Variants in PCDHGB5 observed in about 807,000 individuals in gnomAD.
PCDHGB5 encodes the protein protocadherin gamma subfamily B, 5, also known as protocadherin gamma-B5.
PCDHGB5 carries 48 observed loss-of-function variants against 62.9 expected under a neutral mutation model. The ratio of observed to expected loss-of-function variants is 0.76; its 90% CI spans 0.61 to 0.97. The LOEUF is 0.97. Ranked by LOEUF, PCDHGB5 falls within the 50% of genes least tolerant of loss-of-function variation. The pLI, the probability that PCDHGB5 is intolerant of heterozygous loss-of-function variation, is 0.00. For synonymous variants in PCDHGB5, 474 were observed against 511.2 expected, an observed-to-expected ratio of 0.93 and a Z score of 0.98; for missense variants, 1,118 against 1,198.6, an observed-to-expected ratio of 0.93 and a Z score of 0.99.
intron 2 of PCDHGB5, among the ~76,000 whole-genome samples, chr5:141,496,839 AG>A (rs2099771805): frequency 1.3e-5 from 2 of 151,484 alleles, no homozygotes; most frequent in African/African-American, 4.9e-5. Context: ...CAGAACTCAT[AG>A]GCTTCCAGAC....
intron 2 of PCDHGB5, among the ~76,000 whole-genome samples, chr5:141,501,802 C>T (rs2099811151): frequency 1.3e-5 from 2 of 152,154 alleles, no homozygotes; most frequent in Non-Finnish European, 2.9e-5. Context: ...ATCTCTTACC[C>T]AGCTTCACAT....
rs1408454981 is a variant in PCDHGB5, at chr5:141,489,682, T to C, written c.2398-5125T>C. The C allele has an allele frequency of 6.2e-7, 1 of 1,614,184 alleles. No individual in the cohort carries two copies. The highest frequency in any genetic ancestry group is 8.5e-7 in the Non-Finnish European group (1 of 1,180,024). On this transcript the variant is annotated intron_variant, in intron 1 of 3. Transcript: ENST00000617380. This position sits in a 1 kb window ranked among gnomAD's most constrained non-coding sequence, Gnocchi z 4.5. ...GATGCGCATCTCAGAATCAGCAGCATCTGGGGCACGATTCCCACTGGACAG... is the reference window on the plus strand; with the variant it reads ...GATGCGCATCTCAGAATCAGCAGCACCTGGGGCACGATTCCCACTGGACAG...
intron 1 of PCDHGB5, among the ~76,000 whole-genome samples, chr5:141,449,677 A>G (rs543079734): frequency 6.3e-4 from 96 of 151,362 alleles, no homozygotes; most frequent in Non-Finnish European, 1.1e-3. Flanking sequence ...GTGTATGTAT[A>G]TATGTTTGTG....
intron 1 of PCDHGB5, chr5:141,417,692 C>T (rs2096147964): frequency 1.8e-6 from 2 of 1,089,118 alleles, no homozygotes; most frequent in Non-Finnish European, 2.5e-6. Flanking sequence ...AAAAGAAAAC[C>T]AGCTCCCACA....
In PCDHGB5 at chr5:141,435,189, G is replaced by A. The variant is rs569176993; in HGVS notation, c.2397+34665G>A. Among the ~76,000 whole-genome samples the A allele has an allele frequency of 5.3e-5, 8 of 152,166 alleles. No homozygotes were observed. The South Asian group carries it at 8.3e-4, about 16-fold the overall frequency. On this transcript the variant is annotated intron_variant, in intron 1 of 3. Coordinates refer to ENST00000617380, the MANE Select transcript of PCDHGB5 (RefSeq NM_018925.3). ...GTGGCTTTTAACTACACTTGAGATGGCTAGCAAATTCATAAAGTGAATTTA... is the reference window on the plus strand; with the variant it reads ...GTGGCTTTTAACTACACTTGAGATGACTAGCAAATTCATAAAGTGAATTTA...
chr5:141,409,903 G>A (rs570063514), intron 1 of PCDHGB5: 1 of 1,613,268 alleles, frequency 6.2e-7, no homozygotes, highest in Non-Finnish European at 8.5e-7. Flanking sequence ...ACCCAGCTCT[G>A]GGTCCTGACG....
At chr5:141,404,776 A>G (rs2094566348) in intron 1 of PCDHGB5, 1 of 1,612,952 alleles carries the variant, frequency 6.2e-7, no homozygotes, top group Non-Finnish European at 8.5e-7. Flanking sequence ...CCTACCGCCT[A>G]TTCAAGGCCA....
Position 141,505,566 on chromosome 5 carries a change from A to G in PCDHGB5, c.2545+85A>G, listed in dbSNP as rs1363426407. 1.4e-5 allele frequency: 22 copies of G among 1,599,886 alleles called. No individual in the cohort carries two copies. In the East Asian group the frequency reaches 4.7e-4, roughly 34 times the overall value. ...CACAGCCACCATGCCCACGGACTGGATGTCAAACCTGTGTAGTTTCTCCAG... is the reference window on the plus strand; with the variant it reads ...CACAGCCACCATGCCCACGGACTGGGTGTCAAACCTGTGTAGTTTCTCCAG... On this transcript the variant is annotated intron_variant, in intron 3 of 3. Coordinates refer to ENST00000617380, the MANE Select transcript of PCDHGB5 (RefSeq NM_018925.3).
rs1452602466 is a variant in PCDHGB5 at position 141,481,941 on chromosome 5, C to A, written c.2398-12866C>A. Among the ~76,000 whole-genome samples, 4 of 146,990 alleles carry A rather than the reference C, an allele frequency of 2.7e-5. No individual in the cohort carries two copies. The Admixed American group carries it at 2.7e-4, about 10-fold the overall frequency. On this transcript the variant is annotated intron_variant, in intron 1 of 3. Coordinates refer to ENST00000617380, the MANE Select transcript of PCDHGB5 (RefSeq NM_018925.3). ...AAAAAAAAAAAAAAAAAAAATCAGC[C>A]AGATGTGGTGGCAGGTGCCTGTAGT...
At position 141,400,538 on chromosome 5, in the gene PCDHGB5, A is replaced by C. The variant is rs994052728; in HGVS notation, c.2397+14A>C. On this transcript the variant is annotated intron_variant, in intron 1 of 3. Coordinates refer to ENST00000617380, the MANE Select transcript of PCDHGB5 (RefSeq NM_018925.3). ...CATCCTGAGTTGGTGAGTTTCATTTATGTCTATTCTTTTTCATTACCCACC... is the reference window on the plus strand; with the variant it reads ...CATCCTGAGTTGGTGAGTTTCATTTCTGTCTATTCTTTTTCATTACCCACC... 3.1e-6 allele frequency: 5 copies of C among 1,613,662 alleles called. No homozygotes were observed. The highest frequency in any genetic ancestry group is 4.2e-6 in the Non-Finnish European group (5 of 1,179,800).
intron 1 of PCDHGB5, among the ~76,000 whole-genome samples, chr5:141,436,162 G>A (rs1036923915): frequency 2.6e-5 from 4 of 152,142 alleles, no homozygotes; most frequent in African/African-American, 7.2e-5. Flanking sequence ...TTTATCATAT[G>A]GACAGTTCTC....
At chr5:141,424,784 C>T (rs1351935601) in intron 1 of PCDHGB5, 2 of 152,062 alleles carry the variant, frequency 1.3e-5, no homozygotes, top group Non-Finnish European at 2.9e-5. Context: ...ACATTCAGTT[C>T]TTTTATTCAG....
At chr5:141,404,488 T>C (rs3749770) in intron 1 of PCDHGB5, 387,354 of 1,612,960 alleles carry the variant, frequency 0.24, 50,449 homozygotes, top group African/African-American at 0.51. Flanking sequence ...CAGACACTGG[T>C]GTGCTGTATG....
chr5:141,421,741 C>A lies in PCDHGB5; in HGVS notation c.2397+21217C>A. 3 of 1,613,902 alleles carry A rather than the reference C, an allele frequency of 1.9e-6. No individual in the cohort carries two copies. The South Asian group carries it at 3.3e-5, about 18-fold the overall frequency. ...GGGCGTGAACTCCCTCCAGAGCTAC[C>A]AGCTCAGCCCTAATAATTACTTTTC... On this transcript the variant is annotated intron_variant, in intron 1 of 3. Transcript: ENST00000617380.
In PCDHGB5 at chr5:141,489,906, C is replaced by T. The variant is rs550717535; in HGVS notation, c.2398-4901C>T. On this transcript the variant is annotated intron_variant, in intron 1 of 3. Transcript: ENST00000617380. The surrounding 1 kb of genome is among the most constrained non-coding windows in gnomAD (Gnocchi z 4.5). ...CTGTGGATGGGGGGACCCCAGCCCG[C>T]TCAGGGACCACCCTTATCTCTGTCA... 4.5e-5 allele frequency: 72 copies of T among 1,614,234 alleles called. No individual in the cohort carries two copies. In the African/African-American group the frequency reaches 5.6e-4, roughly 13 times the overall value.
At position 141,398,416 on chromosome 5, in the gene PCDHGB5, G is replaced by A. The variant is rs2093654818; in HGVS notation, c.289G>A (p.Gly97Arg). The A allele has an allele frequency of 2.0e-6, 3 of 1,496,580 alleles. No individual in the cohort carries two copies. The highest frequency in any genetic ancestry group is 1.1e-5 in the South Asian group (1 of 87,620). The allele number at this position is 1,496,580 out of a possible 1,614,324, so 92.7% of individuals were successfully genotyped here. The stretch of plus-strand genomic sequence containing the variant: ...CAGGCTAGACAGGGAGGAGATATGC[G>A]GGAAGAAGCCAGCTTGTGCTCTGGA... ...SSRLDREEIC[G>R]KKPACALEFE... Residue 97 changes from glycine to arginine, a missense_variant, in exon 1 of 4, where the codon GGG becomes AGG. Gly to Arg is a moderately radical substitution (Grantham distance 125). Transcript: ENST00000617380.
At chr5:141,467,846 A>G (rs984687278) in intron 1 of PCDHGB5, among the ~76,000 whole-genome samples, 2 of 151,926 alleles carry the variant, frequency 1.3e-5, no homozygotes, top group Non-Finnish European at 2.9e-5. Context: ...TTTTTGTAGA[A>G]TGAGATTTCA....
At chr5:141,418,341 A>G (rs1407312724) in intron 1 of PCDHGB5, 1 of 1,614,006 alleles carries the variant, frequency 6.2e-7, no homozygotes, top group South Asian at 1.1e-5. Context: ...GAAGATCCTG[A>G]TATTAGTATG....
rs114740440 is a variant in PCDHGB5 at position 141,426,595 on chromosome 5, C to T, written c.2397+26071C>T. The T allele has an allele frequency of 4.0e-3, 1,518 of 375,912 alleles. 5 individuals carry two copies. Among genetic ancestry groups the T allele is most frequent in the Non-Finnish European group, 5.9e-3 (1,105 of 185,722 alleles). 23.3% of individuals were successfully genotyped at this position (375,912 alleles called of 1,614,324 possible). ...GTCTTCAAAATCCTCTGTGTCATAC[C>T]CTTAGAGATTGTAGCAGAGAATCCT... On this transcript the variant is annotated intron_variant, in intron 1 of 3. Coordinates refer to ENST00000617380, the MANE Select transcript of PCDHGB5 (RefSeq NM_018925.3).
Sources: gnomAD v4.1 joint callset for allele counts (sites outside exome capture counted in the v4.1 genomes callset) on GRCh38, gnomAD v4.1.1 for gene constraint, Gnocchi (gnomAD v3.1) non-coding constraint, MANE v1.5 for transcripts, NCBI Gene and HGNC (gene_info 2026-07-23, HGNC 2026-07-21) for gene names.